DHRS9: variants seen among roughly 807,000 people sequenced by gnomAD.
The protein encoded by DHRS9 is dehydrogenase/reductase 9.
DHRS9 carries 18 observed loss-of-function variants against 26.6 expected under a neutral mutation model. The ratio of observed to expected loss-of-function variants is 0.68; its 90% CI spans 0.47 to 1.00. The LOEUF is 1.00. Among genes scored for constraint, DHRS9 ranks in the 50% least tolerant of loss-of-function variants. The pLI is 0.00. For missense variants in DHRS9, 425 were observed against 378.7 expected, an observed-to-expected ratio of 1.12 and a Z score of -1.01; for synonymous variants, 134 against 141.1, an observed-to-expected ratio of 0.95 and a Z score of 0.36.
chr2:169,070,223 G>A lies in DHRS9; in HGVS notation c.-60+506G>A, dbSNP rs76874745. On this transcript the variant is annotated intron_variant, in intron 1 of 4. Coordinates refer to ENST00000674881, the MANE Select transcript of DHRS9 (RefSeq NM_001376924.1). ...ATTCACTAAACTGAGGGGAAAAAAT[G>A]CCTTGTAGGTCATAAAAAAGCAGGG... The A allele has an allele frequency of 9.1e-6, 9 of 985,354 alleles. No individual in the cohort carries two copies. The East Asian group carries it at 6.8e-4, about 75-fold the overall frequency. The allele number at this position is 985,354 out of a possible 1,614,324, so 61.0% of individuals were successfully genotyped here.
chr2:169,075,656 T>C (rs1329733241), intron 1 of DHRS9, among the ~76,000 whole-genome samples: 2 of 152,204 alleles, frequency 1.3e-5, no homozygotes, highest in Non-Finnish European at 2.9e-5. Flanking sequence ...TTGTATCTCG[T>C]TGGTCTCCTT....
intron 1 of DHRS9, among the ~76,000 whole-genome samples, chr2:169,072,987 G>A (rs1683852448): frequency 6.6e-6 from 1 of 152,204 alleles, no homozygotes; most frequent in Non-Finnish European, 1.5e-5. Context: ...AATTGGAAGT[G>A]TGAATATTAT....
intron 3 of DHRS9, among the ~76,000 whole-genome samples, chr2:169,084,133 C>T (rs1684280416): frequency 6.6e-6 from 1 of 152,034 alleles, no homozygotes; most frequent in Non-Finnish European, 1.5e-5. Flanking sequence ...ACATAATGAC[C>T]ACCAGTTCCA....
intron 4 of DHRS9, among the ~76,000 whole-genome samples, chr2:169,093,029 T>C (rs1215910718): frequency 6.6e-6 from 1 of 152,180 alleles, no homozygotes; most frequent in Non-Finnish European, 1.5e-5. Context: ...TTAAGGACTT[T>C]GGTTACACTC....
intron 1 of DHRS9, among the ~76,000 whole-genome samples, chr2:169,078,612 G>A (rs1397077384): frequency 2.6e-5 from 4 of 151,964 alleles, no homozygotes; most frequent in African/African-American, 4.8e-5. Flanking sequence ...ATTTGAGAAC[G>A]GGAAATCTTG....
At chr2:169,074,456 C>T (rs1683901607) in intron 1 of DHRS9, 1 of 985,250 alleles carries the variant, frequency 1.0e-6, no homozygotes, top group African/African-American at 1.7e-5. Context: ...GCAAACAACT[C>T]AAGCAACCAG....
At chr2:169,086,989 T>G (rs1189112901) in intron 3 of DHRS9, among the ~76,000 whole-genome samples, 1 of 152,162 alleles carries the variant, frequency 6.6e-6, no homozygotes, top group Non-Finnish European at 1.5e-5. Context: ...TGCCTATGTT[T>G]ACTCAAAGCC....
intron 1 of DHRS9, chr2:169,072,708 TCTC>T (rs1683844099): frequency 1.0e-6 from 1 of 953,970 alleles, no homozygotes; most frequent in Non-Finnish European, 1.2e-6. Context: ...CAAAACTAGT[TCTC>T]CTTTCTTGGT....
At chr2:169,087,916 A>G (rs1364260656) in intron 3 of DHRS9, among the ~76,000 whole-genome samples, 1 of 152,064 alleles carries the variant, frequency 6.6e-6, no homozygotes, top group East Asian at 1.9e-4. Context: ...AGCAAAGGGA[A>G]GGAGTCTCTC....
intron 3 of DHRS9, among the ~76,000 whole-genome samples, chr2:169,091,281 TAAAATAAAATAAAATAAA>T (rs1684516106): frequency 7.7e-6 from 1 of 129,624 alleles, no homozygotes; most frequent in Non-Finnish European, 1.6e-5. Context: ...TAAAATAAAA[TAAAATAAAATAAAATAAA>T]ACTTGCTCAA....
chr2:169,081,894 G>A lies in DHRS9; in HGVS notation c.313G>A (p.Gly105Ser), dbSNP rs758359693. Residue 105 changes from glycine (G) to serine (S), a missense_variant and splice_region_variant, in exon 2 of 5, where the codon GGT (glycine) becomes AGT (serine). Physicochemically the swap from Gly to Ser is moderately conservative, Grantham distance 56. Coordinates refer to ENST00000674881, the MANE Select transcript of DHRS9 (RefSeq NM_001376924.1). ...GGTGAAGAACCAAGTTGGGGAGAAA[G>A]GTGAGAGACATGGAAGTGGGTAGGA... is the stretch of plus-strand genomic sequence containing the variant. ...QWVKNQVGEK[G>S]LWGLINNAGV... is the part of the protein sequence containing the mutation. 2 of 1,599,486 alleles carry A rather than the reference G, an allele frequency of 1.3e-6. No individual in the cohort carries two copies. The highest frequency in any genetic ancestry group is 1.7e-6 in the Non-Finnish European group (2 of 1,171,628).
intron 1 of DHRS9, among the ~76,000 whole-genome samples, chr2:169,076,167 T>A (rs1453948102): frequency 6.6e-6 from 1 of 152,206 alleles, no homozygotes; most frequent in Non-Finnish European, 1.5e-5. Context: ...TATTGATTGA[T>A]TTACTTCAGA....
upstream of DHRS9, chr2:169,067,332 T>C: frequency 1.3e-6 from 2 of 1,518,168 alleles, no homozygotes; most frequent in East Asian, 2.5e-5. Flanking sequence ...ATCCCCAGAA[T>C]GGTGTAGTTG....
intron 3 of DHRS9, among the ~76,000 whole-genome samples, chr2:169,087,700 A>G (rs1684396227): frequency 6.6e-6 from 1 of 152,128 alleles, no homozygotes; most frequent in African/African-American, 2.4e-5. Flanking sequence ...TTTAGTCAGC[A>G]GGTAATGAAT....
chr2:169,074,170 A>T lies in DHRS9; in HGVS notation c.-60+4453A>T, dbSNP rs948157737. The T allele has an allele frequency of 1.3e-5, 8 of 598,148 alleles. No individual in the cohort carries two copies. The South Asian group carries it at 3.0e-4, about 22-fold the overall frequency. The allele number at this position is 598,148 out of a possible 1,614,324, so 37.1% of individuals were successfully genotyped here. ...GAAAGTGATTCACCCTGCCATGAAG[A>T]TAACAAAGTTCTTACTGTAACGGCA... is the stretch of plus-strand genomic sequence containing the variant. On this transcript the variant is annotated intron_variant, in intron 1 of 4. Transcript: ENST00000674881.
chr2:169,088,745 A>G (rs1007406218), intron 3 of DHRS9, among the ~76,000 whole-genome samples: 4 of 152,354 alleles, frequency 2.6e-5, no homozygotes, highest in East Asian at 1.9e-4. Flanking sequence ...GCCTTAATAC[A>G]TGATGCTCAG....
chr2:169,075,804 T>C (rs1027869346), intron 1 of DHRS9, among the ~76,000 whole-genome samples: 9 of 152,360 alleles, frequency 5.9e-5, no homozygotes, highest in Non-Finnish European at 8.8e-5. Context: ...AGAGCTGTTG[T>C]GTCCTTCCCT....
intron 1 of DHRS9, among the ~76,000 whole-genome samples, chr2:169,080,054 T>C (rs1441181518): frequency 2.5e-5 from 3 of 119,704 alleles, no homozygotes; most frequent in Non-Finnish European, 5.4e-5. Context: ...AGAAAGAAAA[T>C]AAAGTCCAAA....
intron 1 of DHRS9, chr2:169,070,101 T>C: frequency 1.0e-6 from 1 of 985,468 alleles, no homozygotes; most frequent in Non-Finnish European, 1.2e-6. Flanking sequence ...AGTTTCTTAC[T>C]GAAGCAGCAG....
Sources: gnomAD v4.1 joint callset for allele counts (sites outside exome capture counted in the v4.1 genomes callset) on GRCh38, gnomAD v4.1.1 for gene constraint, MANE v1.5 for transcripts, NCBI Gene and HGNC (gene_info 2026-07-23, HGNC 2026-07-21) for gene names.